The following PINX1 variants were observed in gnomAD, a reference collection of about 807,000 sequenced individuals.
PINX1 encodes the protein PIN2 (TERF1) interacting telomerase inhibitor 1.
PINX1 carries 34 observed loss-of-function variants against 25.4 expected under a neutral mutation model. The observed-to-expected ratio is 1.34, with a 90% CI of 1.02 to 1.78. The LOEUF is 1.78. Ranked by LOEUF, PINX1 falls within the 40% of genes most tolerant of loss-of-function variation. The pLI, the probability that PINX1 is intolerant of heterozygous loss-of-function variation, is 0.00. For synonymous variants in PINX1, 197 were observed against 147.7 expected, an observed-to-expected ratio of 1.33 and a Z score of -2.42; for missense variants, 592 against 404.9, an observed-to-expected ratio of 1.46 and a Z score of -3.97.
At position 10,831,758 on chromosome 8, in the gene PINX1, G is replaced by T; in HGVS notation, c.223-15C>A. The T allele has an allele frequency of 6.6e-7, 1 of 1,506,870 alleles. No homozygotes were observed. Among genetic ancestry groups the T allele is most frequent in the Non-Finnish European group, 9.1e-7 (1 of 1,095,442 alleles). The allele number at this position is 1,506,870 out of a possible 1,614,324, so 93.3% of individuals were successfully genotyped here. ...ATCCAGTTGTCCTGAAAATATCAAA[G>T]AAATGAACGAGAGGTAAGCCTGTAG... On this transcript the variant is annotated splice_polypyrimidine_tract_variant and intron_variant, in intron 3 of 6. Transcript: ENST00000314787.
Position 10,834,654 on chromosome 8 carries a change from T to A in PINX1, c.129+12A>T. 6.2e-7 allele frequency: 1 copy of A among 1,610,914 alleles called. No homozygotes were observed. Among genetic ancestry groups the A allele is most frequent in the African/African-American group, 1.3e-5 (1 of 74,876 alleles). ...CATAGCTCAGATTTTTTTCCGCTTT[T>A]CTCCAAAATACCTTTCCTTTAGACC... On this transcript the variant is annotated intron_variant, in intron 2 of 6. Coordinates refer to ENST00000314787, the MANE Select transcript of PINX1 (RefSeq NM_017884.6).
chr8:10,786,711 C>A (rs1801759441), intron 6 of PINX1, among the ~76,000 whole-genome samples: 1 of 152,160 alleles, frequency 6.6e-6, no homozygotes, highest in African/African-American at 2.4e-5. Context: ...ATACTGCAGG[C>A]CAAATCCTCT....
chr8:10,802,243 G>A (rs1802286560), intron 6 of PINX1, among the ~76,000 whole-genome samples: 1 of 152,190 alleles, frequency 6.6e-6, no homozygotes. Flanking sequence ...AATTGCTTTA[G>A]GGGGAAGCTC....
intron 6 of PINX1, among the ~76,000 whole-genome samples, chr8:10,810,682 G>A (rs1391217900): frequency 1.3e-5 from 2 of 152,212 alleles, no homozygotes; most frequent in East Asian, 3.9e-4. Context: ...GTCAGCAGGT[G>A]CTCACTACTG....
intron 6 of PINX1, among the ~76,000 whole-genome samples, chr8:10,801,811 C>G (rs1802271537): frequency 6.6e-6 from 1 of 152,166 alleles, no homozygotes. Flanking sequence ...TCTCAAGAAT[C>G]CAGACTGCCA....
intron 6 of PINX1, among the ~76,000 whole-genome samples, chr8:10,805,365 G>C (rs528654011): frequency 2.6e-5 from 4 of 152,356 alleles, no homozygotes; most frequent in African/African-American, 9.6e-5. Flanking sequence ...AGATAAGTTA[G>C]GAATGGCATA....
chr8:10,817,651 T>G (rs1389759629), intron 6 of PINX1, among the ~76,000 whole-genome samples: 2 of 152,216 alleles, frequency 1.3e-5, no homozygotes, highest in Non-Finnish European at 2.9e-5. Context: ...CGCGACCTCC[T>G]CAGTGTGGCA....
chr8:10,808,194 T>C (rs1222933729), intron 6 of PINX1, among the ~76,000 whole-genome samples: 1 of 152,222 alleles, frequency 6.6e-6, no homozygotes, highest in African/African-American at 2.4e-5. Context: ...AATCAGTAGT[T>C]TGAGTGGTGT....
At chr8:10,787,478 A>G in intron 6 of PINX1, 2 of 180,528 alleles carry the variant, frequency 1.1e-5, no homozygotes, top group Non-Finnish European at 2.3e-5. Context: ...ATCCCGCTTC[A>G]GCCTCCCAAA....
intron 1 of PINX1, among the ~76,000 whole-genome samples, chr8:10,838,010 T>C (rs1422489260): frequency 6.6e-6 from 1 of 152,218 alleles, no homozygotes; most frequent in Non-Finnish European, 1.5e-5. Flanking sequence ...TAGGCTTCAA[T>C]CACAGGCAGC....
In PINX1 at chr8:10,765,568, C is replaced by A. The variant is rs1563197152; in HGVS notation, c.820G>T (p.Ala274Ser). Residue 274 changes from alanine (A) to serine (S), a missense_variant, in exon 7 of 7, where the codon GCT becomes TCT. Ala to Ser is a moderately conservative substitution (Grantham distance 99). Transcript: ENST00000314787. ...TGCACATGGTCCCCTGCATCCTGAG[C>A]AGAGGCCTTGGAACTCTGGTCCCAG... ...PCWDQSSKASAQDAGDHVQPP... is the reference protein window; with the variant it reads ...PCWDQSSKASSQDAGDHVQPP... 3.1e-6 allele frequency: 5 copies of A among 1,613,736 alleles called. No individual in the cohort carries two copies. The highest frequency in any genetic ancestry group is 2.2e-5 in the South Asian group (2 of 91,074).
At chr8:10,816,269 C>T (rs138361325) in intron 6 of PINX1, among the ~76,000 whole-genome samples, 58 of 152,304 alleles carry the variant, frequency 3.8e-4, no homozygotes, top group African/African-American at 1.4e-3. Context: ...GATGTAACCA[C>T]TGGGGAAAAC....
At chr8:10,767,301 G>C (rs1801084475) in intron 6 of PINX1, among the ~76,000 whole-genome samples, 1 of 152,086 alleles carries the variant, frequency 6.6e-6, no homozygotes, top group African/African-American at 2.4e-5. Context: ...TGGAATCCAA[G>C]ATAATGTCCC....
At chr8:10,794,480 G>A (rs570335644) in intron 6 of PINX1, among the ~76,000 whole-genome samples, 12 of 151,948 alleles carry the variant, frequency 7.9e-5, no homozygotes, top group Admixed American at 7.9e-4. Context: ...TCTTGCCCAG[G>A]CTGGAGTGCA....
chr8:10,822,297 CAAATTTAAAAA>C (rs1481555794), intron 5 of PINX1, among the ~76,000 whole-genome samples: 1 of 152,070 alleles, frequency 6.6e-6, no homozygotes, highest in Non-Finnish European at 1.5e-5. Flanking sequence ...ATAAATACGA[CAAATTTAAAAA>C]GCATTTAAAA....
At chr8:10,767,770 A>G (rs1260776057) in intron 6 of PINX1, among the ~76,000 whole-genome samples, 3 of 148,748 alleles carry the variant, frequency 2.0e-5, no homozygotes, top group Non-Finnish European at 3.0e-5. Context: ...AGCCACACAG[A>G]GACAGGCTCG....
chr8:10,838,058 T>G (rs1354691140), intron 1 of PINX1, among the ~76,000 whole-genome samples: 2 of 152,242 alleles, frequency 1.3e-5, no homozygotes, highest in East Asian at 3.8e-4. Context: ...GCGGTAACCC[T>G]AACCAAGTTG....
chr8:10,821,664 G>C (rs758211079), intron 5 of PINX1, among the ~76,000 whole-genome samples: 2 of 152,230 alleles, frequency 1.3e-5, no homozygotes, highest in Non-Finnish European at 1.5e-5. Flanking sequence ...CGGAGGTGTA[G>C]AGATGTCCTC....
intron 6 of PINX1, among the ~76,000 whole-genome samples, chr8:10,816,881 T>C (rs1308675300): frequency 6.6e-6 from 1 of 152,226 alleles, no homozygotes; most frequent in Non-Finnish European, 1.5e-5. Context: ...CTAACAATTC[T>C]CTCTGTGCCT....
Sources: gnomAD v4.1 joint callset for allele counts (sites outside exome capture counted in the v4.1 genomes callset) on GRCh38, gnomAD v4.1.1 for gene constraint, MANE v1.5 for transcripts, NCBI Gene and HGNC (gene_info 2026-07-23, HGNC 2026-07-21) for gene names.